The following CAMKV variants were observed in gnomAD, a reference collection of about 807,000 sequenced individuals.
CAMKV encodes the protein caM kinase-like vesicle-associated protein.
In CAMKV, 5 loss-of-function variants were observed where a neutral mutation model predicts 50.2. The ratio of observed to expected loss-of-function variants is 0.10; its 90% CI spans 0.05 to 0.21. The LOEUF is 0.21. Among genes scored for constraint, CAMKV ranks in the 10% least tolerant of loss-of-function variants. The pLI, the probability that CAMKV is intolerant of heterozygous loss-of-function variation, is 1.00. For synonymous variants in CAMKV, 229 were observed against 250.1 expected, an observed-to-expected ratio of 0.92 and a Z score of 0.80; for missense variants, 361 against 650.5, an observed-to-expected ratio of 0.55 and a Z score of 4.84.
In CAMKV at chr3:49,861,605, CGT is replaced by C. The variant is rs1159774575; in HGVS notation, c.303-30_303-29del. The C allele has an allele frequency of 6.2e-7, 1 of 1,613,618 alleles. No individual in the cohort carries two copies. The highest frequency in any genetic ancestry group is 1.3e-5 in the African/African-American group (1 of 74,930). The stretch of plus-strand genomic sequence containing the variant: ...GAGGGACACCAGCCCCTGAGCCTGG[CGT>C]GGGCAGAATCAGGGGTAGGGCAGGA... On this transcript the variant is annotated intron_variant, in intron 4 of 10. Coordinates refer to ENST00000477224, the MANE Select transcript of CAMKV (RefSeq NM_024046.5). The surrounding 1 kb of genome is among the most constrained non-coding windows in gnomAD (Gnocchi z 7.7).
rs779576572 is a variant in CAMKV at position 49,859,851 on chromosome 3, G to A, written c.973C>T (p.Arg325Trp). Residue 325 changes from arginine to tryptophan, a missense_variant, in exon 11 of 11, where the codon CGG (arginine) becomes TGG (tryptophan). By Grantham distance (101) the Arg-to-Trp change is moderately radical. This residue lies in a region of CAMKV where 172 missense variants were observed against 414.3 expected (regional missense o/e 0.42). Coordinates refer to ENST00000477224, the MANE Select transcript of CAMKV (RefSeq NM_024046.5). The surrounding 1 kb of genome is among the most constrained non-coding windows in gnomAD (Gnocchi z 5.5). ...KAVRVTTLMK[R>W]LRAPEQSSTA... ...CTGGACTGCTCTGGTGCCCGGAGCC[G>A]TTTCATGAGGGTGGTCACTCGGACA... The A allele has an allele frequency of 3.3e-6, 5 of 1,514,708 alleles. No individual in the cohort carries two copies. Among genetic ancestry groups the A allele is most frequent in the South Asian group, 1.3e-5 (1 of 76,916 alleles). 93.8% of individuals were successfully genotyped at this position (1,514,708 alleles called of 1,614,324 possible).
Position 49,861,216 on chromosome 3 carries a change from G to A in CAMKV, c.526C>T (p.Leu176Phe). The A allele has an allele frequency of 6.2e-7, 1 of 1,613,984 alleles. No homozygotes were observed. Among genetic ancestry groups the A allele is most frequent in the East Asian group, 2.2e-5 (1 of 44,878 alleles). ...GGGGTCCCACAGGGCTCCTTGATGA[G>A]GCCATTTTCTAGCTTAGCCAGATGG... Reference protein sequence around the residue: ...DFHLAKLENGLIKEPCGTPEY... With the variant: ...DFHLAKLENGFIKEPCGTPEY... Residue 176 changes from leucine to phenylalanine, a missense_variant, in exon 6 of 11, where the codon CTC becomes TTC. Around this residue, in one of 4 missense-constraint regions of CAMKV, gnomAD observed 172 missense variants for 414.3 expected, o/e 0.42. Transcript: ENST00000477224. The surrounding 1 kb of genome is among the most constrained non-coding windows in gnomAD (Gnocchi z 7.7).
At chr3:49,867,972 C>T (rs1575410621) in intron 1 of CAMKV, among the ~76,000 whole-genome samples, 1 of 152,116 alleles carries the variant, frequency 6.6e-6, no homozygotes, top group Admixed American at 6.5e-5. Flanking sequence ...CTGGGACCTT[C>T]GAGACTGCAC....
chr3:49,860,611 A>T lies in CAMKV; in HGVS notation c.776-62T>A, dbSNP rs989311961. 4 of 1,611,310 alleles carry T rather than the reference A, an allele frequency of 2.5e-6. No homozygotes were observed. The highest frequency in any genetic ancestry group is 3.4e-6 in the Non-Finnish European group (4 of 1,177,708). On this transcript the variant is annotated intron_variant, in intron 8 of 10. Coordinates refer to ENST00000477224, the MANE Select transcript of CAMKV (RefSeq NM_024046.5). The surrounding 1 kb of genome is among the most constrained non-coding windows in gnomAD (Gnocchi z 6.1). ...CCCCATCTCAATGTCTAGAGGTGAT[A>T]AATGGGCTGGGGGACAGAAGCAGAA...
chr3:49,859,412 G>C lies in CAMKV; in HGVS notation c.1412C>G (p.Ala471Gly), dbSNP rs1306753877. 2 of 1,609,934 alleles carry C rather than the reference G, an allele frequency of 1.2e-6. No individual in the cohort carries two copies. The highest frequency in any genetic ancestry group is 1.7e-6 in the Non-Finnish European group (2 of 1,177,212). ...AGCCTGGCCTGTGGCGCCCTCTGGG[G>C]CTGTGCTGTCCGGCTGGGCCATAGC... ...EPAMAQPDST[A>G]PEGATGQAPP... The change falls in exon 11 of 11, where the codon GCC becomes GGC. Residue 471 changes from alanine (A) to glycine (G), a missense_variant. This residue lies in a region of CAMKV where 75 missense variants were observed against 84.2 expected (regional missense o/e 0.89). Transcript: ENST00000477224. The surrounding 1 kb of genome is among the most constrained non-coding windows in gnomAD (Gnocchi z 5.5).
chr3:49,867,973 G>A (rs571254848), intron 1 of CAMKV, among the ~76,000 whole-genome samples: 3 of 152,216 alleles, frequency 2.0e-5, no homozygotes, highest in Admixed American at 6.5e-5. Flanking sequence ...TGGGACCTTC[G>A]AGACTGCACC....
chr3:49,862,348 T>C lies in CAMKV; in HGVS notation c.41A>G (p.Tyr14Cys). ...GCVTLGDKKN[Y>C]NQPSEVTDRY... ...GTCAGTCACCTCCGATGGCTGGTTATAGTTCTTCTTGTCGCCCAGAGTCAC... is the reference window on the plus strand; with the variant it reads ...GTCAGTCACCTCCGATGGCTGGTTACAGTTCTTCTTGTCGCCCAGAGTCAC... The change falls in exon 2 of 11, where the codon TAT becomes TGT. Residue 14 changes from tyrosine to cysteine, a missense_variant. Physicochemically the swap from Tyr to Cys is radical, Grantham distance 194. Around this residue, in one of 4 missense-constraint regions of CAMKV, gnomAD observed 172 missense variants for 414.3 expected, o/e 0.42. Transcript: ENST00000477224. The surrounding 1 kb of genome is among the most constrained non-coding windows in gnomAD (Gnocchi z 5.2). 1 of 1,614,220 alleles carries C rather than the reference T, an allele frequency of 6.2e-7. No homozygotes were observed. Among genetic ancestry groups the C allele is most frequent in the Non-Finnish European group, 8.5e-7 (1 of 1,180,032 alleles).
chr3:49,859,151 CAGGAGACG>C lies in CAMKV; in HGVS notation c.*159_*166del. On this transcript the variant is annotated 3_prime_UTR_variant, in exon 11 of 11. Coordinates refer to ENST00000477224, the MANE Select transcript of CAMKV (RefSeq NM_024046.5). The surrounding 1 kb of genome is among the most constrained non-coding windows in gnomAD (Gnocchi z 5.5). ...TGCCCACCACTCACACACATACACA[CAGGAGACG>C]AGACTGCTCTCCCGTGACCCCTAGT... The C allele has an allele frequency of 1.6e-6, 1 of 606,426 alleles. No individual in the cohort carries two copies. Among genetic ancestry groups the C allele is most frequent in the Non-Finnish European group, 2.8e-6 (1 of 358,506 alleles). The allele number at this position is 606,426 out of a possible 1,614,324, so 37.6% of individuals were successfully genotyped here. A position where few individuals can be genotyped will look rare whatever the true frequency, so the allele number is the denominator to read the frequency against.
At position 49,861,832 on chromosome 3, in the gene CAMKV, A is replaced by G. The variant is rs775359410; in HGVS notation, c.261T>C (p.Asp87=). The G allele has an allele frequency of 6.2e-6, 10 of 1,613,896 alleles. No individual in the cohort carries two copies. Among genetic ancestry groups the G allele is most frequent in the Non-Finnish European group, 8.5e-6 (10 of 1,179,894 alleles). Residue 87 remains aspartate, a synonymous_variant, in exon 4 of 11, where the codon GAT becomes GAC. Transcript: ENST00000477224. This position sits in a 1 kb window ranked among gnomAD's most constrained non-coding sequence, Gnocchi z 7.7. ...VKHPNILQLV[D]VFVTRKEYFI... is the part of the protein sequence containing the mutation. Reference sequence around the variant, plus strand: ...AGTACTCCTTGCGGGTCACAAACACATCCACCAGCTGTAGGATGTTGGGAT... The same window carrying G: ...AGTACTCCTTGCGGGTCACAAACACGTCCACCAGCTGTAGGATGTTGGGAT...
rs2082025643 is a variant in CAMKV, at chr3:49,861,986, C to T, written c.227+59G>A. ...GGCTGGGACTGCCTGAGGCCACTTG[C>T]CCTCTAAGCCCTTCCCTGCTGCCTC... On this transcript the variant is annotated intron_variant, in intron 3 of 10. Coordinates refer to ENST00000477224, the MANE Select transcript of CAMKV (RefSeq NM_024046.5). The surrounding 1 kb of genome is among the most constrained non-coding windows in gnomAD (Gnocchi z 7.7). The T allele has an allele frequency of 6.2e-7, 1 of 1,610,616 alleles. No individual in the cohort carries two copies. Among genetic ancestry groups the T allele is most frequent in the East Asian group, 2.2e-5 (1 of 44,750 alleles).
intron 1 of CAMKV, among the ~76,000 whole-genome samples, chr3:49,865,515 T>A (rs200481589): frequency 0.077 from 11,662 of 152,012 alleles, 581 homozygotes; most frequent in Non-Finnish European, 0.1. Context: ...TTTATAACAT[T>A]AAAAAAAATT....
Position 49,861,756 on chromosome 3 carries a change from G to C in CAMKV, c.302+35C>G. The C allele has an allele frequency of 1.2e-6, 2 of 1,609,106 alleles. No individual in the cohort carries two copies. The highest frequency in any genetic ancestry group is 1.7e-6 in the Non-Finnish European group (2 of 1,175,822). On this transcript the variant is annotated intron_variant, in intron 4 of 10. Coordinates refer to ENST00000477224, the MANE Select transcript of CAMKV (RefSeq NM_024046.5). This position sits in a 1 kb window ranked among gnomAD's most constrained non-coding sequence, Gnocchi z 7.7. ...GGTGGGACAGGTGAAAGCCCTGGGC[G>C]CTGGGGAATCTTGGGTCCCCAGACC...
At position 49,862,016 on chromosome 3, in the gene CAMKV, C is replaced by T. The variant is rs1182774360; in HGVS notation, c.227+29G>A. 1 of 1,613,924 alleles carries T rather than the reference C, an allele frequency of 6.2e-7. No homozygotes were observed. The highest frequency in any genetic ancestry group is 1.1e-5 in the South Asian group (1 of 91,018). On this transcript the variant is annotated intron_variant, in intron 3 of 10. Transcript: ENST00000477224. This position sits in a 1 kb window ranked among gnomAD's most constrained non-coding sequence, Gnocchi z 5.2. ...TAAGCCCTTCCCTGCTGCCTCCCAC[C>T]CCGCCCCAATCCCAGGCCTCAAACT...
rs969119238 is a variant in CAMKV, at chr3:49,858,803, C to T, written c.*515G>A. On this transcript the variant is annotated 3_prime_UTR_variant, in exon 11 of 11. Coordinates refer to ENST00000477224, the MANE Select transcript of CAMKV (RefSeq NM_024046.5). ...GCCCTACCTTTCTGCATCCTCTATA[C>T]CAGCCTGTATCTGCTCCTAGAGCAG... is the stretch of plus-strand genomic sequence containing the variant. The T allele has an allele frequency of 5.9e-6, 1 of 168,716 alleles. No homozygotes were observed. The highest frequency in any genetic ancestry group is 2.4e-5 in the African/African-American group (1 of 42,066). 10.5% of individuals were successfully genotyped at this position (168,716 alleles called of 1,614,324 possible). A position where few individuals can be genotyped will look rare whatever the true frequency, so the allele number is the denominator to read the frequency against.
chr3:49,861,272 A>T lies in CAMKV; in HGVS notation c.470T>A (p.Leu157Gln). ...ACTGATGACAATCTTCGAGTTCTTC[A>T]GCCGGTTGTAGTAAACCAGGTTCTC... ...KLENLVYYNR[L>Q]KNSKIVISDF... is the part of the protein sequence containing the mutation. The change falls in exon 6 of 11, where the codon CTG becomes CAG. Residue 157 changes from leucine (L) to glutamine (Q), a missense_variant. Coordinates refer to ENST00000477224, the MANE Select transcript of CAMKV (RefSeq NM_024046.5). The surrounding 1 kb of genome is among the most constrained non-coding windows in gnomAD (Gnocchi z 7.7). 1 of 1,614,102 alleles carries T rather than the reference A, an allele frequency of 6.2e-7. No individual in the cohort carries two copies. The highest frequency in any genetic ancestry group is 8.5e-7 in the Non-Finnish European group (1 of 1,180,032).
At position 49,858,269 on chromosome 3, in the gene CAMKV, T is replaced by A. The variant is rs996906876; in HGVS notation, c.*1049A>T. The A allele has an allele frequency of 2.5e-6, 1 of 398,534 alleles. No homozygotes were observed. Among genetic ancestry groups the A allele is most frequent in the African/African-American group, 2.1e-5 (1 of 48,646 alleles). The allele number at this position is 398,534 out of a possible 1,614,324, so 24.7% of individuals were successfully genotyped here. On this transcript the variant is annotated 3_prime_UTR_variant, in exon 11 of 11. Coordinates refer to ENST00000477224, the MANE Select transcript of CAMKV (RefSeq NM_024046.5). ...TGTGGCTCTGAGGCACCTGGGCCTC[T>A]GATAGAAGTGAGCTGTAGAAAGAGG...
chr3:49,860,198 T>C lies in CAMKV; in HGVS notation c.915A>G (p.Glu305=), dbSNP rs191193621. 4.5e-5 allele frequency: 72 copies of C among 1,614,092 alleles called. No homozygotes were observed. Among genetic ancestry groups the C allele is most frequent in the Admixed American group, 6.7e-5 (4 of 60,020 alleles). Residue 305 remains glutamate, a synonymous_variant, in exon 10 of 11, where the codon GAA becomes GAG. Transcript: ENST00000477224. This position sits in a 1 kb window ranked among gnomAD's most constrained non-coding sequence, Gnocchi z 6.1. ...NIKDGVCAQI[E]KNFARAKWKK... ...TCCACTTGGCCCTGGCAAAGTTCTT[T>C]TCAATCTGGGCACAGACACCATCCT...
chr3:49,862,868 A>G lies in CAMKV; in HGVS notation c.-14-466T>C, dbSNP rs1473034652. ...TGTAAAGCAGTTTGGTAAAACCACT[A>G]AAGTCAAACAAACATACCCTATGAA... is the stretch of plus-strand genomic sequence containing the variant. On this transcript the variant is annotated intron_variant, in intron 1 of 10. Coordinates refer to ENST00000477224, the MANE Select transcript of CAMKV (RefSeq NM_024046.5). The surrounding 1 kb of genome is among the most constrained non-coding windows in gnomAD (Gnocchi z 5.2). Among the ~76,000 whole-genome samples the G allele has an allele frequency of 1.3e-5, 2 of 152,198 alleles. No individual in the cohort carries two copies. The highest frequency in any genetic ancestry group is 3.8e-4 in the East Asian group (2 of 5,204).
At chr3:49,864,422 C>T (rs2082047814) in intron 1 of CAMKV, among the ~76,000 whole-genome samples, 1 of 152,280 alleles carries the variant, frequency 6.6e-6, no homozygotes, top group South Asian at 2.1e-4. Context: ...ATAGCTGGCT[C>T]AGTGAGCGCT....
Sources: allele counts gnomAD v4.1 joint callset (sites outside exome capture counted in the v4.1 genomes callset), GRCh38; gene constraint gnomAD v4.1.1; regional missense constraint gnomAD v4.1.1; non-coding constraint Gnocchi (gnomAD v3.1); transcripts MANE v1.5; gene names NCBI Gene and HGNC (gene_info 2026-07-23, HGNC 2026-07-21).